CNIH3: variants seen among roughly 807,000 people sequenced by gnomAD.
CNIH3 encodes the protein cornichon family AMPA receptor auxiliary protein 3, also known as protein cornichon homolog 3.
Under a neutral mutation model 24.1 loss-of-function variants are expected in CNIH3, and 14 were observed. The ratio of observed to expected loss-of-function variants is 0.58; its 90% CI spans 0.38 to 0.91. CNIH3 has a LOEUF of 0.91. Among genes scored for constraint, CNIH3 ranks in the 40% least tolerant of loss-of-function variants. CNIH3 has a pLI of 0.00. For missense variants in CNIH3, 178 were observed against 196.8 expected (o/e 0.90, Z 0.57); for synonymous variants, 68 against 73.8 (o/e 0.92, Z 0.40).
At position 224,457,669 on chromosome 1, in the gene CNIH3, C is replaced by T. The variant is rs1043545545; in HGVS notation, n.203+22807C>T. On this transcript the variant is annotated intron_variant and non_coding_transcript_variant, in intron 1 of 5. Coordinates refer to the CNIH3 transcript ENST00000471578. ...GGCACTTTTCTGTTCTTGTAACTTT[C>T]CAGTCGTAATTTGGGGATTACTGTT... Among the ~76,000 whole-genome samples the T allele has an allele frequency of 5.9e-5, 9 of 152,212 alleles. No homozygotes were observed. The East Asian group carries it at 7.7e-4, about 13-fold the overall frequency.
At chr1:224,495,017 CAT>C (rs1251382523) in intron 1 of CNIH3, among the ~76,000 whole-genome samples, 14 of 152,342 alleles carry the variant, frequency 9.2e-5, no homozygotes, top group African/African-American at 2.4e-4. Flanking sequence ...AATACACACA[CAT>C]GTACTCATAC....
intron 2 of CNIH3, among the ~76,000 whole-genome samples, chr1:224,522,601 T>A (rs191703577): frequency 2.9e-4 from 44 of 152,144 alleles, no homozygotes; most frequent in Non-Finnish European, 4.9e-4. Flanking sequence ...AATAGAATAG[T>A]GAGAGGAAGA....
intron 1 of CNIH3, among the ~76,000 whole-genome samples, chr1:224,674,450 C>G (rs111451930): frequency 2.3e-4 from 35 of 152,138 alleles, no homozygotes; most frequent in African/African-American, 7.2e-4. Context: ...TTTCCCACCT[C>G]TTGAGGTGGG....
At chr1:224,454,430 C>A in intron 1 of CNIH3, 1 of 572,042 alleles carries the variant, frequency 1.7e-6, no homozygotes, top group Non-Finnish European at 2.2e-6. Flanking sequence ...CCAGTTCTCT[C>A]TTGTTTCTAT....
chr1:224,579,669 G>A (rs2125012313), intron 4 of CNIH3, among the ~76,000 whole-genome samples: 1 of 152,324 alleles, frequency 6.6e-6, no homozygotes, highest in South Asian at 2.1e-4. Flanking sequence ...TCCTCAGGAA[G>A]GGATTGGTGT....
At chr1:224,488,900 G>A (rs374966619) in intron 1 of CNIH3, among the ~76,000 whole-genome samples, 7 of 152,018 alleles carry the variant, frequency 4.6e-5, no homozygotes, top group Admixed American at 2.0e-4. Flanking sequence ...TTTCCCAAGC[G>A]CATTTTCCTT....
intron 3 of CNIH3, among the ~76,000 whole-genome samples, chr1:224,562,081 TA>T (rs1381470839): frequency 1.3e-5 from 2 of 152,220 alleles, no homozygotes; most frequent in African/African-American, 4.8e-5. Flanking sequence ...ATAATGACAC[TA>T]TTTCTATGCT....
intron 1 of CNIH3, among the ~76,000 whole-genome samples, chr1:224,510,273 T>G (rs1236294052): frequency 3.3e-5 from 5 of 152,016 alleles, no homozygotes; most frequent in South Asian, 2.1e-4. Context: ...CCATTCCCCA[T>G]GCAAAGGAGC....
At chr1:224,466,245 A>G (rs1008687737) in intron 1 of CNIH3, among the ~76,000 whole-genome samples, 8 of 152,226 alleles carry the variant, frequency 5.3e-5, no homozygotes, top group African/African-American at 1.7e-4. Context: ...TTATAGTCAC[A>G]TCTACCTTCT....
At chr1:224,621,171 C>T (rs1172884985) in intron 1 of CNIH3, among the ~76,000 whole-genome samples, 1 of 152,196 alleles carries the variant, frequency 6.6e-6, no homozygotes, top group South Asian at 2.1e-4. Flanking sequence ...CACCATCTCA[C>T]CTTGAAATTT....
chr1:224,707,961 A>G (rs1475670806), intron 3 of CNIH3, among the ~76,000 whole-genome samples: 4 of 151,986 alleles, frequency 2.6e-5, no homozygotes, highest in Non-Finnish European at 5.9e-5. Flanking sequence ...GTCCACTAGA[A>G]TTCCCACCAT....
chr1:224,564,348 G>T lies in CNIH3; in HGVS notation n.451-1851G>T, dbSNP rs191611050. Among the ~76,000 whole-genome samples, 329 of 152,310 alleles carry T rather than the reference G, an allele frequency of 2.2e-3. 2 individuals are homozygous for T. The highest frequency in any genetic ancestry group is 7.5e-3 in the African/African-American group (313 of 41,570). ...AATGACGAAAATGGAGAATGATTTA[G>T]CTCTAACCATGACATGAATTTTTTG... On this transcript the variant is annotated intron_variant and non_coding_transcript_variant, in intron 3 of 5. Coordinates refer to the CNIH3 transcript ENST00000471578.
At chr1:224,567,612 T>C (rs12131542) in intron 4 of CNIH3, among the ~76,000 whole-genome samples, 47,507 of 152,120 alleles carry the variant, frequency 0.31, 9,160 homozygotes, top group Non-Finnish European at 0.42. Context: ...AAATATAACT[T>C]GTGATGATGC....
chr1:224,720,870 A>G (rs575537871), intron 3 of CNIH3, among the ~76,000 whole-genome samples: 1 of 152,208 alleles, frequency 6.6e-6, no homozygotes, highest in East Asian at 1.9e-4. Context: ...TTCCCAGGAC[A>G]TAAAGGAAAA....
intron 3 of CNIH3, among the ~76,000 whole-genome samples, chr1:224,709,571 A>T (rs961179976): frequency 2.0e-5 from 3 of 152,216 alleles, no homozygotes; most frequent in Non-Finnish European, 2.9e-5. Context: ...CCAAGGAGGC[A>T]GTCTCTGGAC....
intron 1 of CNIH3, among the ~76,000 whole-genome samples, chr1:224,494,276 C>T (rs547710681): frequency 2.0e-5 from 3 of 152,322 alleles, no homozygotes; most frequent in South Asian, 2.1e-4. Context: ...AGCCTCTCAA[C>T]GTGCTATCTA....
Position 224,501,291 on chromosome 1 carries a change from T to A in CNIH3, n.204-14450T>A, listed in dbSNP as rs184466707. On this transcript the variant is annotated intron_variant and non_coding_transcript_variant, in intron 1 of 5. Transcript: ENST00000471578. ...TTGAATAAATGGTCATGGGCAATAA[T>A]ACTATCATTATTGAGAGCTTACTGG... Among the ~76,000 whole-genome samples the A allele has an allele frequency of 3.5e-3, 528 of 152,258 alleles. 3 individuals are homozygous for A. Among genetic ancestry groups the A allele is most frequent in the African/African-American group, 0.012 (509 of 41,552 alleles).
intron 2 of CNIH3, among the ~76,000 whole-genome samples, chr1:224,532,059 T>A (rs751845401): frequency 1.3e-5 from 2 of 152,032 alleles, no homozygotes; most frequent in Non-Finnish European, 2.9e-5. Flanking sequence ...AAGTAACAGA[T>A]CTATAGTAAT....
intron 2 of CNIH3, among the ~76,000 whole-genome samples, chr1:224,527,061 G>A (rs1678876173): frequency 6.6e-6 from 1 of 152,120 alleles, no homozygotes; most frequent in African/African-American, 2.4e-5. Context: ...GAGATTTGGC[G>A]GGTACAAATA....
Sources: gnomAD v4.1 joint callset for allele counts (sites outside exome capture counted in the v4.1 genomes callset) on GRCh38, gnomAD v4.1.1 for gene constraint, MANE v1.5 for transcripts, NCBI Gene and HGNC (gene_info 2026-07-23, HGNC 2026-07-21) for gene names.